The following ATP13A3 variants were observed in gnomAD, a reference collection of about 807,000 sequenced individuals.
The protein encoded by ATP13A3 is ATPase 13A3.
Under a neutral mutation model 158.1 loss-of-function variants are expected in ATP13A3, and 59 were observed. That is an observed-to-expected ratio of 0.37 (90% CI 0.30 to 0.46). The LOEUF (loss-of-function observed/expected upper bound fraction) is 0.46. Among genes scored for constraint, ATP13A3 ranks in the 20% least tolerant of loss-of-function variants. The pLI, the probability that ATP13A3 is intolerant of heterozygous loss-of-function variation, is 1.00. For synonymous variants in ATP13A3, 491 were observed against 504.3 expected, an observed-to-expected ratio of 0.97 and a Z score of 0.35; for missense variants, 1,166 against 1,525.2, an observed-to-expected ratio of 0.76 and a Z score of 3.92.
At chr3:194,438,309 T>TA (rs1451504947) in intron 17 of ATP13A3, among the ~76,000 whole-genome samples, 2 of 152,020 alleles carry the variant, frequency 1.3e-5, no homozygotes, top group Non-Finnish European at 2.9e-5. Flanking sequence ...CTTATACATG[T>TA]AAAAAAAATT....
chr3:194,466,244 G>C (rs543408502), intron 2 of ATP13A3, among the ~76,000 whole-genome samples: 1 of 151,846 alleles, frequency 6.6e-6, no homozygotes, highest in Admixed American at 6.6e-5. Flanking sequence ...ATAAAATTCA[G>C]AGAAAAAAAT....
intron 10 of ATP13A3, chr3:194,451,243 T>A (rs2108915156): frequency 6.6e-6 from 1 of 152,336 alleles, no homozygotes; most frequent in East Asian, 1.9e-4. Flanking sequence ...TAGTAGATAT[T>A]ATCGATCTTC....
chr3:194,414,273 G>A (rs1158523511), intron 31 of ATP13A3, among the ~76,000 whole-genome samples: 2 of 151,978 alleles, frequency 1.3e-5, no homozygotes, highest in East Asian at 3.9e-4. Context: ...GCCTAGCCTG[G>A]GCAACATGGC....
At position 194,433,232 on chromosome 3, in the gene ATP13A3, C is replaced by CTTTTTT. The variant is rs71637136; in HGVS notation, c.2245+534_2245+539dup. Among the ~76,000 whole-genome samples the CTTTTTT allele has an allele frequency of 1.4e-3, 164 of 113,610 alleles. 1 individual carries two copies. The highest frequency in any genetic ancestry group is 2.9e-3 in the African/African-American group (83 of 28,564). 74.5% of individuals were successfully genotyped at this position (113,610 alleles called of 152,430 possible). ...ATTTTTACAGTGTACTTTTACTATT[C>CTTTTTT]TTTTTTTTTTTTTTTTTTTTTTGAG... On this transcript the variant is annotated intron_variant, in intron 21 of 33. Transcript: ENST00000645319.
In ATP13A3 at chr3:194,454,406, T is replaced by G; in HGVS notation, c.631-14A>C. Reference sequence around the variant, plus strand: ...TGGGTTGAGAACCTAAAAAACAAGATTTTAAAGTCAAACTGAATGAGGTAT... The same window carrying G: ...TGGGTTGAGAACCTAAAAAACAAGAGTTTAAAGTCAAACTGAATGAGGTAT... On this transcript the variant is annotated splice_polypyrimidine_tract_variant and intron_variant, in intron 8 of 33. Coordinates refer to ENST00000645319, the MANE Select transcript of ATP13A3 (RefSeq NM_001367549.1). The G allele has an allele frequency of 6.2e-7, 1 of 1,603,528 alleles. No individual in the cohort carries two copies. Among genetic ancestry groups the G allele is most frequent in the Non-Finnish European group, 8.5e-7 (1 of 1,172,566 alleles).
intron 2 of ATP13A3, among the ~76,000 whole-genome samples, chr3:194,492,461 T>C (rs1485643387): frequency 6.4e-5 from 8 of 125,136 alleles, no homozygotes; most frequent in Non-Finnish European, 1.3e-4. Flanking sequence ...TCCTGTGTAC[T>C]TTTTTTTTTT....
rs867958861 is a variant in ATP13A3, at chr3:194,427,129, C to A, written c.3071G>T (p.Gly1024Val). ...AGGTTGCTGTTTGACCCAAAAAAAACCCAAAGATTGAAATCCAATGCAGAT... is the reference window on the plus strand; with the variant it reads ...AGGTTGCTGTTTGACCCAAAAAAAAACCAAAGATTGAAATCCAATGCAGAT... Reference protein sequence around the residue: ...IIICIGFQSLGFFWVKQQPWY... With the variant: ...IIICIGFQSLVFFWVKQQPWY... Residue 1024 changes from glycine to valine, a missense_variant, in exon 29 of 34, where the codon GGT becomes GTT. Physicochemically the swap from Gly to Val is moderately radical, Grantham distance 109 (BLOSUM62 -3). This residue lies in a region of ATP13A3 where 997 missense variants were observed against 1,341.2 expected (regional missense o/e 0.74). Coordinates refer to ENST00000645319, the MANE Select transcript of ATP13A3 (RefSeq NM_001367549.1). 1 of 1,613,294 alleles carries A rather than the reference C, an allele frequency of 6.2e-7. No homozygotes were observed.
At chr3:194,480,456 A>G (rs1229492304) in intron 2 of ATP13A3, among the ~76,000 whole-genome samples, 1 of 152,242 alleles carries the variant, frequency 6.6e-6, no homozygotes, top group African/African-American at 2.4e-5. Context: ...TTAATAATTT[A>G]CATCGCTCTT....
chr3:194,438,318 T>A (rs1192162055), intron 17 of ATP13A3, among the ~76,000 whole-genome samples: 1 of 152,110 alleles, frequency 6.6e-6, no homozygotes, highest in Non-Finnish European at 1.5e-5. Flanking sequence ...GTAAAAAAAA[T>A]TTCAGGTAAC....
chr3:194,477,903 C>A (rs1468104060), intron 2 of ATP13A3, among the ~76,000 whole-genome samples: 1 of 152,204 alleles, frequency 6.6e-6, no homozygotes, highest in African/African-American at 2.4e-5. Flanking sequence ...TTGAATACCT[C>A]TGTGTCTTTG....
At chr3:194,472,540 T>C (rs376053809) in intron 2 of ATP13A3, among the ~76,000 whole-genome samples, 1 of 152,310 alleles carries the variant, frequency 6.6e-6, no homozygotes, top group African/African-American at 2.4e-5. Context: ...ACTTAAGAAA[T>C]AGAACTGCTG....
At chr3:194,480,423 T>G in intron 2 of ATP13A3, among the ~76,000 whole-genome samples, 1 of 149,360 alleles carries the variant, frequency 6.7e-6, no homozygotes, top group East Asian at 2.0e-4. Context: ...TAAGTTTAGA[T>G]ACTTTAAATT....
intron 31 of ATP13A3, among the ~76,000 whole-genome samples, chr3:194,415,669 T>TC (rs35165400): frequency 0.12 from 15,769 of 136,014 alleles, 1,036 homozygotes; most frequent in South Asian, 0.14. Flanking sequence ...TTCTTTTTTT[T>TC]TTTTTTTTTT....
upstream of ATP13A3, among the ~76,000 whole-genome samples, chr3:194,489,460 C>T (rs1350685488): frequency 1.3e-5 from 2 of 152,060 alleles, no homozygotes; most frequent in South Asian, 2.1e-4. The surrounding 1 kb of genome is among the most constrained non-coding windows in gnomAD (Gnocchi z 4.1). Context: ...AAAATTCCTA[C>T]GGTGGTTCCC....
intron 2 of ATP13A3, among the ~76,000 whole-genome samples, chr3:194,466,343 C>T (rs907738509): frequency 2.0e-5 from 3 of 152,100 alleles, no homozygotes; most frequent in African/African-American, 4.8e-5. Context: ...ACTGCTACCT[C>T]GACTCATCAA....
intron 28 of ATP13A3, among the ~76,000 whole-genome samples, chr3:194,428,039 G>T (rs1409753137): frequency 6.6e-6 from 1 of 151,948 alleles, no homozygotes; most frequent in Admixed American, 6.6e-5. Context: ...TGGCCAACAT[G>T]GTGAAACCCC....
chr3:194,438,037 GTAA>G (rs1256293483), intron 17 of ATP13A3, among the ~76,000 whole-genome samples: 4 of 152,162 alleles, frequency 2.6e-5, no homozygotes, highest in Non-Finnish European at 4.4e-5. Context: ...GCGTGCGCCT[GTAA>G]TACCAGCTCC....
chr3:194,448,315 T>A lies in ATP13A3; in HGVS notation c.1150+142A>T. On this transcript the variant is annotated intron_variant, in intron 12 of 33. Transcript: ENST00000645319. The surrounding 1 kb of genome is among the most constrained non-coding windows in gnomAD (Gnocchi z 4.0). Reference sequence around the variant, plus strand: ...GGATGGTCTCAATCTCCTGACCTCATGATCCGCCCACCTCGGCTTCCCAAA... The same window carrying A: ...GGATGGTCTCAATCTCCTGACCTCAAGATCCGCCCACCTCGGCTTCCCAAA... 3 of 944,812 alleles carry A rather than the reference T, an allele frequency of 3.2e-6. No individual in the cohort carries two copies. The highest frequency in any genetic ancestry group is 3.1e-5 in the South Asian group (2 of 65,172). 58.5% of individuals were successfully genotyped at this position (944,812 alleles called of 1,614,324 possible).
intron 2 of ATP13A3, among the ~76,000 whole-genome samples, chr3:194,483,063 C>T (rs1720816753): frequency 6.6e-6 from 1 of 150,702 alleles, no homozygotes; most frequent in Admixed American, 6.6e-5. Context: ...GCGGAGATCG[C>T]GCCTCTGCAC....
Sources: allele counts gnomAD v4.1 joint callset (sites outside exome capture counted in the v4.1 genomes callset), GRCh38; gene constraint gnomAD v4.1.1; regional missense constraint gnomAD v4.1.1; non-coding constraint Gnocchi (gnomAD v3.1); transcripts MANE v1.5; gene names NCBI Gene and HGNC (gene_info 2026-07-23, HGNC 2026-07-21).